The following TMEM45B variants were observed in gnomAD, a reference collection of about 807,000 sequenced individuals.
TMEM45B encodes the protein transmembrane protein 45B.
A neutral mutation model predicts 27.3 loss-of-function variants in TMEM45B; 29 were observed. The observed-to-expected ratio is 1.06, with a 90% CI of 0.79 to 1.45. The LOEUF (loss-of-function observed/expected upper bound fraction) is 1.45, where lower values mean the gene tolerates loss of function less well. TMEM45B is among the 40% of genes most tolerant of loss of function. The pLI, the probability that TMEM45B is intolerant of heterozygous loss-of-function variation, is 0.00. For synonymous variants in TMEM45B, 143 were observed against 134.7 expected, an observed-to-expected ratio of 1.06 and a Z score of -0.43; for missense variants, 348 against 343.9, an observed-to-expected ratio of 1.01 and a Z score of -0.09.
chr11:129,823,623 C>T (rs1947446981), intron 1 of TMEM45B, among the ~76,000 whole-genome samples: 1 of 152,148 alleles, frequency 6.6e-6, no homozygotes, highest in South Asian at 2.1e-4. Context: ...TCTGTTAAAT[C>T]TTTTTATGTC....
intron 1 of TMEM45B, among the ~76,000 whole-genome samples, chr11:129,822,211 G>C (rs1372437968): frequency 6.6e-6 from 1 of 152,078 alleles, no homozygotes; most frequent in East Asian, 1.9e-4. Context: ...ACAGTATCCT[G>C]TTCTCATTTC....
intron 1 of TMEM45B, among the ~76,000 whole-genome samples, chr11:129,825,335 T>C (rs1288356077): frequency 6.6e-6 from 1 of 151,862 alleles, no homozygotes; most frequent in Non-Finnish European, 1.5e-5. Context: ...ATTCTGGCTT[T>C]CTGGGTGACT....
chr11:129,844,668 T>C (rs976542356), intron 1 of TMEM45B, among the ~76,000 whole-genome samples: 2 of 152,140 alleles, frequency 1.3e-5, no homozygotes, highest in South Asian at 2.1e-4. Flanking sequence ...CCCTCGGTGA[T>C]AGGGCGAGAC....
chr11:129,834,176 A>G (rs1412256996), intron 1 of TMEM45B, among the ~76,000 whole-genome samples: 1 of 152,196 alleles, frequency 6.6e-6, no homozygotes, highest in Non-Finnish European at 1.5e-5. Context: ...CACGCCTGTA[A>G]TCCCAGCACT....
At chr11:129,854,849 A>G in intron 3 of TMEM45B, 33 bp downstream of exon 3, 1 of 1,599,394 alleles carries the variant, frequency 6.3e-7, no homozygotes, top group Non-Finnish European at 8.5e-7. Flanking sequence ...GAGGAAGGAG[A>G]GCCTGACAAG....
intron 1 of TMEM45B, among the ~76,000 whole-genome samples, chr11:129,821,563 A>G (rs1947420432): frequency 6.6e-6 from 1 of 152,142 alleles, no homozygotes; most frequent in South Asian, 2.1e-4. Context: ...CAGGCCCCAT[A>G]AGATGCGGTT....
chr11:129,826,290 C>T (rs1377999947), intron 1 of TMEM45B, among the ~76,000 whole-genome samples: 1 of 152,094 alleles, frequency 6.6e-6, no homozygotes, highest in African/African-American at 2.4e-5. Flanking sequence ...TGGCTCACGC[C>T]TGTAATCCCA....
intron 5 of TMEM45B, 138 bp downstream of exon 5, chr11:129,857,596 C>A: frequency 1.1e-6 from 1 of 931,400 alleles, no homozygotes; most frequent in Non-Finnish European, 1.6e-6. Flanking sequence ...GTATCACTAC[C>A]CTTATTTGCA....
chr11:129,830,971 G>A (rs1259887047), intron 1 of TMEM45B, among the ~76,000 whole-genome samples: 1 of 151,966 alleles, frequency 6.6e-6, no homozygotes, highest in Non-Finnish European at 1.5e-5. Flanking sequence ...TATCTGCAGG[G>A]GATATGTTCC....
chr11:129,816,073 G>A (rs538222528), intron 1 of TMEM45B, among the ~76,000 whole-genome samples, 175 bp downstream of exon 1: 1 of 152,298 alleles, frequency 6.6e-6, no homozygotes, highest in African/African-American at 2.4e-5. Context: ...CTGCGCTAGG[G>A]GAGGACGGGA....
rs1355378873 is a variant in TMEM45B, at chr11:129,816,631, A to T, written c.-9+733A>T. Among the ~76,000 whole-genome samples, 4 of 151,496 alleles carry T rather than the reference A, an allele frequency of 2.6e-5. No homozygotes were observed. In the South Asian group the frequency reaches 8.4e-4, roughly 32 times the overall value. On this transcript the variant is annotated intron_variant, in intron 1 of 5. Transcript: ENST00000281441. ...TGATCCAGCCCTAGAGGGAAGAAAGATGTGAGTTTCAGCCAGGGAAACGTA... is the reference window on the plus strand; with the variant it reads ...TGATCCAGCCCTAGAGGGAAGAAAGTTGTGAGTTTCAGCCAGGGAAACGTA...
At chr11:129,853,705 G>GC in intron 2 of TMEM45B, among the ~76,000 whole-genome samples, 1 of 152,196 alleles carries the variant, frequency 6.6e-6, no homozygotes, top group East Asian at 1.9e-4. Context: ...CCACACAGCC[G>GC]CTGCTGTCAC....
At chr11:129,819,780 TCCTGAC>T (rs1947396196) in intron 1 of TMEM45B, among the ~76,000 whole-genome samples, 1 of 151,632 alleles carries the variant, frequency 6.6e-6, no homozygotes, top group Non-Finnish European at 1.5e-5. Flanking sequence ...GGTCTTGAAC[TCCTGAC>T]CCTGTGATCT....
chr11:129,846,154 A>G (rs1947757945), intron 1 of TMEM45B, among the ~76,000 whole-genome samples: 1 of 152,214 alleles, frequency 6.6e-6, no homozygotes, highest in Admixed American at 6.5e-5. Context: ...AAACAATGCA[A>G]TTATTAACCC....
At chr11:129,843,807 G>A (rs1947725792) in intron 1 of TMEM45B, among the ~76,000 whole-genome samples, 1 of 152,204 alleles carries the variant, frequency 6.6e-6, no homozygotes, top group Non-Finnish European at 1.5e-5. Context: ...CAAGATTGGT[G>A]TGGATGTGGA....
chr11:129,855,718 C>T lies in TMEM45B; in HGVS notation c.396C>T (p.Phe132=). The T allele has an allele frequency of 6.2e-7, 1 of 1,614,054 alleles. No individual in the cohort carries two copies. ...TCTGGTTTGTGGCAGGTTTCCTCTT[C>T]TACTACCACGTCCACAACCGGCCTC... is the stretch of plus-strand genomic sequence containing the variant. ...AVAVFMEGFL[F]YYHVHNRPPL... The change falls in exon 4 of 6, where the codon TTC becomes TTT. Residue 132 remains phenylalanine, a synonymous_variant. Coordinates refer to ENST00000281441, the MANE Select transcript of TMEM45B (RefSeq NM_138788.5).
At chr11:129,823,697 CA>C (rs1474328139) in intron 1 of TMEM45B, among the ~76,000 whole-genome samples, 1 of 152,144 alleles carries the variant, frequency 6.6e-6, no homozygotes, top group East Asian at 1.9e-4. Context: ...TATAAGAAAA[CA>C]AACTTGAAAG....
intron 2 of TMEM45B, among the ~76,000 whole-genome samples, chr11:129,853,807 T>G (rs2135601802): frequency 6.6e-6 from 1 of 152,280 alleles, no homozygotes; most frequent in African/African-American, 2.4e-5. Flanking sequence ...GGGTCTGGCT[T>G]GAGAAACAAG....
chr11:129,837,585 C>CTTTTTTTT lies in TMEM45B; in HGVS notation c.-8-14882_-8-14875dup, dbSNP rs200040338. Among the ~76,000 whole-genome samples the CTTTTTTTT allele has an allele frequency of 2.1e-4, 17 of 80,284 alleles. 2 individuals carry two copies. Among genetic ancestry groups the CTTTTTTTT allele is most frequent in the Admixed American group, 3.4e-4 (2 of 5,894 alleles). The allele number at this position is 80,284 out of a possible 152,430, so 52.7% of individuals were successfully genotyped here. On this transcript the variant is annotated intron_variant, in intron 1 of 5. Coordinates refer to ENST00000281441, the MANE Select transcript of TMEM45B (RefSeq NM_138788.5). The stretch of plus-strand genomic sequence containing the variant: ...TACAGGCATGAGCCACTGCACTGGG[C>CTTTTTTTT]TTTTTTTTTTTTTTTGAGACAGGGT...
Sources: allele counts gnomAD v4.1 joint callset (sites outside exome capture counted in the v4.1 genomes callset), GRCh38; gene constraint gnomAD v4.1.1; transcripts MANE v1.5; gene names NCBI Gene and HGNC (gene_info 2026-07-23, HGNC 2026-07-21).